The following FOXP2 variants were observed in gnomAD, a reference collection of about 807,000 sequenced individuals.
The protein encoded by FOXP2 is forkhead box protein P2.
A neutral mutation model predicts 115.8 loss-of-function variants in FOXP2; 12 were observed. The ratio of observed to expected loss-of-function variants is 0.10; its 90% confidence interval spans 0.07 to 0.17. The LOEUF is 0.17. Ranked by LOEUF, FOXP2 falls within the 10% of genes least tolerant of loss-of-function variation. The pLI is 1.00. For missense variants in FOXP2, 629 were observed against 843.5 expected, an observed-to-expected ratio of 0.75 and a Z score of 3.15; for synonymous variants, 328 against 297.7, an observed-to-expected ratio of 1.10 and a Z score of -1.05.
intron 2 of FOXP2, among the ~76,000 whole-genome samples, chr7:114,479,596 G>A (rs576535354): frequency 4.2e-4 from 64 of 150,636 alleles, no homozygotes; most frequent in Middle Eastern, 3.5e-3. Flanking sequence ...ATATATGAGG[G>A]AGATTGACTG....
At chr7:114,399,762 G>T (rs1792833318) in intron 2 of FOXP2, among the ~76,000 whole-genome samples, 1 of 151,774 alleles carries the variant, frequency 6.6e-6, no homozygotes, top group Non-Finnish European at 1.5e-5. Flanking sequence ...AGCTAGTAAG[G>T]GGTATTGGGA....
chr7:114,095,586 G>A (rs1799629716), intron 1 of FOXP2, among the ~76,000 whole-genome samples: 1 of 152,194 alleles, frequency 6.6e-6, no homozygotes, highest in Middle Eastern at 3.4e-3. Flanking sequence ...TGCATGTGGA[G>A]TTGATCACAT....
chr7:114,544,331 G>A (rs574595686), intron 3 of FOXP2, among the ~76,000 whole-genome samples: 1 of 151,842 alleles, frequency 6.6e-6, no homozygotes, highest in Non-Finnish European at 1.5e-5. Context: ...CCCAGTTAGA[G>A]AGCCTCTGTC....
chr7:114,574,021 T>C (rs1414090559), intron 3 of FOXP2, among the ~76,000 whole-genome samples: 5 of 151,776 alleles, frequency 3.3e-5, no homozygotes, highest in Non-Finnish European at 7.4e-5. Context: ...CATCAAACAT[T>C]GGCCATCCCC....
chr7:114,237,541 C>A (rs1795042381), intron 1 of FOXP2, among the ~76,000 whole-genome samples: 1 of 152,024 alleles, frequency 6.6e-6, no homozygotes, highest in Admixed American at 6.6e-5. Flanking sequence ...GATTAGAAAT[C>A]TGTTTTAGGG....
rs576974885 is a variant in FOXP2, at chr7:114,339,800, T to G, written c.-11+51691T>G. Among the ~76,000 whole-genome samples the G allele has an allele frequency of 9.2e-5, 14 of 151,402 alleles. No individual in the cohort carries two copies. In the South Asian group the frequency reaches 2.9e-3, roughly 31 times the overall value. ...CTTTTTTTGGAATCTGTTGCTCTTTTAAAGTCAGAGTAAGATACAGTTTTT... is the reference window on the plus strand; with the variant it reads ...CTTTTTTTGGAATCTGTTGCTCTTTGAAAGTCAGAGTAAGATACAGTTTTT... On this transcript the variant is annotated intron_variant, in intron 2 of 17. Transcript: ENST00000634411.
intron 2 of FOXP2, among the ~76,000 whole-genome samples, chr7:114,388,673 T>C (rs1376466138): frequency 6.6e-6 from 1 of 152,170 alleles, no homozygotes; most frequent in African/African-American, 2.4e-5. Context: ...AGAAAGGAGA[T>C]TATAACAAAA....
In FOXP2 at chr7:114,311,443, A is replaced by G. The variant is rs188587557; in HGVS notation, c.-11+23334A>G. Among the ~76,000 whole-genome samples the G allele has an allele frequency of 5.0e-3, 766 of 152,304 alleles. 8 individuals carry two copies. Among genetic ancestry groups the G allele is most frequent in the Non-Finnish European group, 4.9e-3 (334 of 68,016 alleles). ...GTGAAAGTGGTATCCAGCCAGGTCC[A>G]AGAGAGACAGGGGCAGGGTTTTGCC... On this transcript the variant is annotated intron_variant, in intron 2 of 17. Coordinates refer to the FOXP2 transcript ENST00000634411.
At chr7:114,610,832 C>T (rs1175996039) in intron 3 of FOXP2, among the ~76,000 whole-genome samples, 3 of 151,720 alleles carry the variant, frequency 2.0e-5, no homozygotes, top group African/African-American at 7.3e-5. Context: ...TGGGGGTTTC[C>T]CCATATTGCC....
chr7:114,654,363 A>G (rs905681295), intron 10 of FOXP2, among the ~76,000 whole-genome samples: 1 of 152,166 alleles, frequency 6.6e-6, no homozygotes. Context: ...CAAATCACAA[A>G]TAGAAATGTA....
intron 2 of FOXP2, among the ~76,000 whole-genome samples, chr7:114,310,028 G>T (rs1179778390): frequency 1.3e-5 from 2 of 152,160 alleles, no homozygotes; most frequent in Non-Finnish European, 2.9e-5. Context: ...CTGGGATATT[G>T]TCAACAGTCC....
rs547870109 is a variant in FOXP2, at chr7:114,212,003, G to T, written c.-102+48915G>T. Among the ~76,000 whole-genome samples, 4 of 151,956 alleles carry T rather than the reference G, an allele frequency of 2.6e-5. No homozygotes were observed. In the East Asian group the frequency reaches 7.7e-4, roughly 29 times the overall value. On this transcript the variant is annotated intron_variant, in intron 1 of 17. Transcript: ENST00000634411. ...CAGGAGAATCACTTGAACCCAGGAG[G>T]CGGGGGTTGCAGTGAGCTGAGATCG...
At chr7:114,242,110 A>T (rs1188855222) in intron 1 of FOXP2, among the ~76,000 whole-genome samples, 1 of 151,038 alleles carries the variant, frequency 6.6e-6, no homozygotes, top group East Asian at 1.9e-4. Context: ...ATTAATTTAG[A>T]TGAAAGTTCT....
chr7:114,190,711 CT>C (rs1300583713), intron 1 of FOXP2, among the ~76,000 whole-genome samples: 1 of 152,016 alleles, frequency 6.6e-6, no homozygotes, highest in Non-Finnish European at 1.5e-5. Context: ...TCCCTCTTTT[CT>C]TTTTTCCTCT....
chr7:114,411,993 G>A (rs1793174552), upstream of FOXP2, among the ~76,000 whole-genome samples: 1 of 152,072 alleles, frequency 6.6e-6, no homozygotes, highest in Admixed American at 6.6e-5. Context: ...CTTGAAATGT[G>A]CTTGTTTTGA....
intron 1 of FOXP2, among the ~76,000 whole-genome samples, chr7:114,237,449 A>T (rs1476965049): frequency 6.6e-6 from 1 of 152,222 alleles, no homozygotes; most frequent in East Asian, 1.9e-4. Context: ...CTGAATTGCC[A>T]TGCAAGTAAT....
chr7:114,521,732 A>T (rs1406025504), intron 2 of FOXP2, among the ~76,000 whole-genome samples: 5 of 141,760 alleles, frequency 3.5e-5, no homozygotes. Context: ...TGGTAAAGTC[A>T]TGGGTAAAAA....
Position 114,609,803 on chromosome 7 carries a change from G to A in FOXP2, c.259-18737G>A, listed in dbSNP as rs142049309. 9.9e-4 allele frequency among the ~76,000 whole-genome samples: 151 copies of A among 152,224 alleles called. 1 individual carries two copies. The highest frequency in any genetic ancestry group is 3.2e-3 in the African/African-American group (134 of 41,540). ...TCTGGTTGTGTACGTAGTCTTCAAC[G>A]GTGGCAGTGTCAACATTCCCATTGT... On this transcript the variant is annotated intron_variant, in intron 3 of 16. Coordinates refer to ENST00000350908, the MANE Select transcript of FOXP2 (RefSeq NM_014491.4).
At chr7:114,186,709 C>T (rs1270090159) in intron 1 of FOXP2, among the ~76,000 whole-genome samples, 1 of 152,152 alleles carries the variant, frequency 6.6e-6, no homozygotes, top group African/African-American at 2.4e-5. Flanking sequence ...AGCCTGGGTC[C>T]CCAGGCTCTC....
Sources: gnomAD v4.1 joint callset for allele counts (sites outside exome capture counted in the v4.1 genomes callset) on GRCh38, gnomAD v4.1.1 for gene constraint, MANE v1.5 for transcripts, NCBI Gene and HGNC (gene_info 2026-07-23, HGNC 2026-07-21) for gene names.